The following NUP214 variants were observed in gnomAD, a reference collection of about 807,000 sequenced individuals.
NUP214 encodes the protein nucleoporin 214, also known as nuclear pore complex protein Nup214.
NUP214 carries 79 observed loss-of-function variants against 196.2 expected under a neutral mutation model. The observed-to-expected ratio is 0.40, with a 90% confidence interval of 0.34 to 0.49. The LOEUF (loss-of-function observed/expected upper bound fraction) is 0.49, where lower values mean the gene tolerates loss of function less well. Ranked by LOEUF, NUP214 falls within the 20% of genes least tolerant of loss-of-function variation. NUP214 has a pLI of 0.58. For synonymous variants in NUP214, 1,020 were observed against 990.5 expected (o/e 1.03, Z -0.56); for missense variants, 2,468 against 2,539.0 (o/e 0.97, Z 0.60).
chr9:131,145,044 A>T (rs1277169629), intron 12 of NUP214, among the ~76,000 whole-genome samples: 1 of 152,098 alleles, frequency 6.6e-6, no homozygotes, highest in African/African-American at 2.4e-5. Context: ...TCCTTATTTT[A>T]AAAAAAGAAG....
At chr9:131,171,670 C>T (rs904925254) in intron 21 of NUP214, among the ~76,000 whole-genome samples, 42 of 151,526 alleles carry the variant, frequency 2.8e-4, no homozygotes, top group Admixed American at 7.2e-4. Flanking sequence ...TTCATTTAGC[C>T]TTAGGTATAT....
In NUP214 at chr9:131,127,697, C is replaced by T. The variant is rs117100888; in HGVS notation, c.219C>T (p.Pro73=). 1.5e-4 allele frequency: 234 copies of T among 1,613,626 alleles called. No homozygotes were observed. The highest frequency in any genetic ancestry group is 1.9e-4 in the Non-Finnish European group (226 of 1,179,746). ...PTKNLLIQNK[P]GDDPNKIVDK... ...AAAATCTTCTTATTCAAAATAAACC[C>T]GGAGATGATCCCAACAAAATAGGTA... is the stretch of plus-strand genomic sequence containing the variant. The change falls in exon 2 of 36, where the codon CCC becomes CCT. Residue 73 remains proline (P), a synonymous_variant. Coordinates refer to ENST00000359428, the MANE Select transcript of NUP214 (RefSeq NM_005085.4).
chr9:131,189,180 A>G, intron 26 of NUP214, 49 bp downstream of exon 26: 3 of 1,409,218 alleles, frequency 2.1e-6, no homozygotes, highest in East Asian at 2.3e-5. Flanking sequence ...GCACTCCACA[A>G]TAGGGGTTAT....
rs77164468 is a variant in NUP214, at chr9:131,125,771, C to G, written c.45+22C>G. On this transcript the variant is annotated intron_variant, in intron 1 of 35. Coordinates refer to ENST00000359428, the MANE Select transcript of NUP214 (RefSeq NM_005085.4). The surrounding 1 kb of genome is among the most constrained non-coding windows in gnomAD (Gnocchi z 4.1). ...GAAGGTCAGAGACTAACCGGGGCCT[C>G]CCTCCCTTCTTTAGTCCTGGCGTTG... 0.12 allele frequency: 193,388 copies of G among 1,550,140 alleles called. 13,241 individuals carry two copies. The highest frequency in any genetic ancestry group is 0.14 in the Non-Finnish European group (157,009 of 1,146,110).
intron 8 of NUP214, 144 bp downstream of exon 8, chr9:131,135,148 G>A: frequency 3.4e-6 from 2 of 595,524 alleles, no homozygotes; most frequent in South Asian, 4.5e-5. Flanking sequence ...GGAGTGCAGT[G>A]GCACGATTGT....
At chr9:131,196,032 C>CCA (rs1833775732) in intron 28 of NUP214, among the ~76,000 whole-genome samples, 1 of 34,566 alleles carries the variant, frequency 2.9e-5, no homozygotes, top group African/African-American at 7.7e-5. Context: ...GTGTCCCCCC[C>CCA]CCCCCCCGCG....
rs753289266 is a variant in NUP214, at chr9:131,163,009, G to T, written c.2559G>T (p.Glu853Asp). ...TCAACAGGCACCTGCTTGTGCCAGA[G>T]CGAGAGACACTGTTTAACACCCTAG... ...KKKQRHLLVP[E>D]RETLFNTLAN... Residue 853 changes from glutamate (E) to aspartate (D), a missense_variant, in exon 19 of 36, where the codon GAG becomes GAT. Glu to Asp is a conservative substitution (Grantham distance 45). Coordinates refer to ENST00000359428, the MANE Select transcript of NUP214 (RefSeq NM_005085.4). 2.5e-6 allele frequency: 4 copies of T among 1,614,120 alleles called. No homozygotes were observed. The highest frequency in any genetic ancestry group is 2.2e-5 in the South Asian group (2 of 91,070).
chr9:131,163,715 CT>C (rs1454771017), intron 19 of NUP214, among the ~76,000 whole-genome samples, 154 bp from the exon 20 acceptor site: 19 of 152,218 alleles, frequency 1.2e-4, no homozygotes, highest in African/African-American at 4.6e-4. Context: ...GATCTCACTT[CT>C]TTTAGATTAA....
intron 27 of NUP214, 58 bp from the exon 28 acceptor site, chr9:131,195,175 G>A: frequency 8.5e-7 from 1 of 1,171,124 alleles, no homozygotes; most frequent in Non-Finnish European, 1.3e-6. Context: ...GGAATATTAA[G>A]AGGGCAATAT....
intron 9 of NUP214, among the ~76,000 whole-genome samples, chr9:131,138,966 T>C (rs1189831845): frequency 6.6e-6 from 1 of 152,208 alleles, no homozygotes; most frequent in Non-Finnish European, 1.5e-5. Context: ...ATCTCCCTAG[T>C]TGTCATGGAA....
At chr9:131,158,317 G>A (rs1484066792) in intron 17 of NUP214, among the ~76,000 whole-genome samples, 2 of 152,134 alleles carry the variant, frequency 1.3e-5, no homozygotes, top group African/African-American at 4.8e-5. Flanking sequence ...GGCCTCAGGT[G>A]ATCTGCCCAC....
chr9:131,132,115 CTTTCTTTTT>C lies in NUP214; in HGVS notation c.664-477_664-469del, dbSNP rs1358734918. The stretch of plus-strand genomic sequence containing the variant: ...TGCGTTCATGCGTTTCTTTTCTTTT[CTTTCTTTTT>C]TTTTTTTTTTTGGAGACCAAGTTTT... On this transcript the variant is annotated intron_variant, in intron 5 of 35. Coordinates refer to ENST00000359428, the MANE Select transcript of NUP214 (RefSeq NM_005085.4). Among the ~76,000 whole-genome samples the C allele has an allele frequency of 1.0e-3, 108 of 108,182 alleles. 1 individual carries two copies. Among genetic ancestry groups the C allele is most frequent in the Non-Finnish European group, 1.7e-3 (91 of 54,832 alleles). 71.0% of individuals were successfully genotyped at this position (108,182 alleles called of 152,430 possible).
intron 29 of NUP214, among the ~76,000 whole-genome samples, chr9:131,199,245 A>T (rs1443677413): frequency 2.0e-5 from 3 of 152,124 alleles, no homozygotes; most frequent in Non-Finnish European, 4.4e-5. Flanking sequence ...CAAATTGTCC[A>T]CTCTGCAAGC....
intron 13 of NUP214, among the ~76,000 whole-genome samples, chr9:131,147,061 A>G (rs1832105651): frequency 1.3e-5 from 2 of 151,986 alleles, no homozygotes; most frequent in South Asian, 2.1e-4. Flanking sequence ...CAAGCACATC[A>G]CTGCAGCCTC....
chr9:131,131,109 A>G (rs1195905137), intron 5 of NUP214, among the ~76,000 whole-genome samples: 1 of 151,956 alleles, frequency 6.6e-6, no homozygotes, highest in Non-Finnish European at 1.5e-5. Context: ...TGTTGTTTTT[A>G]TGTAAAATGT....
chr9:131,147,435 G>C, intron 13 of NUP214, 55 bp from the exon 14 acceptor site: 1 of 1,264,266 alleles, frequency 7.9e-7, no homozygotes, highest in Non-Finnish European at 1.1e-6. Flanking sequence ...ATTTGTGATA[G>C]GAGAAATAAA....
Position 131,230,627 on chromosome 9 carries a change from C to T in NUP214, c.6075-3C>T, listed in dbSNP as rs1225606328. 3 of 1,613,924 alleles carry T rather than the reference C, an allele frequency of 1.9e-6. No individual in the cohort carries two copies. The highest frequency in any genetic ancestry group is 2.5e-6 in the Non-Finnish European group (3 of 1,179,986). The stretch of plus-strand genomic sequence containing the variant: ...CCTCAGTCTGTTTCTCACTGGAGCG[C>T]AGGTTTGGGAGCAGCAGCAACACCA... On this transcript the variant is annotated splice_region_variant and splice_polypyrimidine_tract_variant and intron_variant, in intron 33 of 35. Coordinates refer to ENST00000359428, the MANE Select transcript of NUP214 (RefSeq NM_005085.4).
At chr9:131,174,615 A>G (rs1833062198) in intron 22 of NUP214, among the ~76,000 whole-genome samples, 1 of 151,300 alleles carries the variant, frequency 6.6e-6, no homozygotes, top group Non-Finnish European at 1.5e-5. Flanking sequence ...CGCCTGGCTA[A>G]TTTTTGTATT....
chr9:131,150,299 T>C (rs770380274), intron 14 of NUP214, 25 bp from the exon 15 acceptor site: 12 of 1,610,872 alleles, frequency 7.4e-6, no homozygotes, highest in African/African-American at 1.3e-5. Context: ...ACTTGCAGTT[T>C]TTAAACCTTT....
Sources: gnomAD v4.1 joint callset for allele counts (sites outside exome capture counted in the v4.1 genomes callset) on GRCh38, gnomAD v4.1.1 for gene constraint, Gnocchi (gnomAD v3.1) non-coding constraint, MANE v1.5 for transcripts, NCBI Gene and HGNC (gene_info 2026-07-23, HGNC 2026-07-21) for gene names.